CPNE4: variants seen among roughly 807,000 people sequenced by gnomAD.
CPNE4 encodes copine 4, also known as copine-4.
A neutral mutation model predicts 67.9 loss-of-function variants in CPNE4; 25 were observed. That is an observed-to-expected ratio of 0.37 (90% CI 0.27 to 0.51). The LOEUF is 0.51. CPNE4 is among the 20% of genes least tolerant of loss of function. The probability of loss-of-function intolerance (pLI) is 0.93; values close to 1 mark genes in which losing one functional copy is unlikely to be tolerated. For missense variants in CPNE4, 464 were observed against 690.8 expected, an observed-to-expected ratio of 0.67 and a Z score of 3.68; for synonymous variants, 242 against 244.9, an observed-to-expected ratio of 0.99 and a Z score of 0.11.
chr3:131,682,230 A>G (rs2080776966), intron 6 of CPNE4, among the ~76,000 whole-genome samples: 1 of 152,102 alleles, frequency 6.6e-6, no homozygotes, highest in South Asian at 2.1e-4. Context: ...AGATTTATAT[A>G]TTTACTGTAG....
chr3:131,816,067 G>C (rs1464858956), intron 2 of CPNE4, among the ~76,000 whole-genome samples: 4 of 152,192 alleles, frequency 2.6e-5, no homozygotes, highest in Non-Finnish European at 4.4e-5. Flanking sequence ...CGTGAGGTTA[G>C]AGGCAAGATG....
chr3:131,650,959 C>T (rs1340661991), intron 7 of CPNE4, among the ~76,000 whole-genome samples: 1 of 151,966 alleles, frequency 6.6e-6, no homozygotes, highest in African/African-American at 2.4e-5. Context: ...GCTAGTTATC[C>T]ATGATATCCT....
chr3:131,758,456 C>A (rs4619823), intron 2 of CPNE4, among the ~76,000 whole-genome samples: 14,983 of 152,184 alleles, frequency 0.098, 887 homozygotes, highest in Admixed American at 0.14. Flanking sequence ...TTACTCAATA[C>A]CTGTACCTCC....
At chr3:131,767,565 T>C (rs965933783) in intron 2 of CPNE4, among the ~76,000 whole-genome samples, 1 of 151,954 alleles carries the variant, frequency 6.6e-6, no homozygotes, top group Admixed American at 6.6e-5. Context: ...CTTTTCCCTT[T>C]GGGCAAGGAG....
intron 2 of CPNE4, among the ~76,000 whole-genome samples, chr3:131,895,432 T>A (rs2088288574): frequency 6.6e-6 from 1 of 152,100 alleles, no homozygotes; most frequent in Non-Finnish European, 1.5e-5. Flanking sequence ...TGGATAATTA[T>A]ATAAAACATG....
intron 2 of CPNE4, among the ~76,000 whole-genome samples, chr3:131,812,038 G>T (rs886785790): frequency 6.6e-6 from 1 of 152,042 alleles, no homozygotes; most frequent in Non-Finnish European, 1.5e-5. Flanking sequence ...GAAATCAATA[G>T]TCCTCACTAG....
At chr3:131,999,705 G>A (rs533652061) in intron 1 of CPNE4, among the ~76,000 whole-genome samples, 5 of 152,122 alleles carry the variant, frequency 3.3e-5, no homozygotes, top group African/African-American at 1.2e-4. Context: ...TAAAATTTTA[G>A]TGGTAGAACT....
chr3:131,799,536 G>T (rs1331261890), intron 2 of CPNE4, among the ~76,000 whole-genome samples: 2 of 152,036 alleles, frequency 1.3e-5, no homozygotes, highest in African/African-American at 4.8e-5. Context: ...AAATTTTGTT[G>T]TTACCCCCAG....
chr3:131,871,058 A>G (rs2087179060), intron 2 of CPNE4, among the ~76,000 whole-genome samples: 1 of 152,172 alleles, frequency 6.6e-6, no homozygotes, highest in East Asian at 1.9e-4. Context: ...AAGTTCCAAG[A>G]GTTCAGAGTA....
intron 2 of CPNE4, among the ~76,000 whole-genome samples, chr3:131,781,865 C>G (rs530931671): frequency 6.6e-6 from 1 of 152,084 alleles, no homozygotes; most frequent in East Asian, 1.9e-4. Context: ...ACACAAAAAC[C>G]TCACCACCCA....
At chr3:131,792,925 G>GTATA (rs71622076) in intron 2 of CPNE4, among the ~76,000 whole-genome samples, 230 of 135,204 alleles carry the variant, frequency 1.7e-3, no homozygotes, top group African/African-American at 4.7e-3. Context: ...GTGTGTGTGT[G>GTATA]TATCTCCAAC....
At chr3:131,919,383 G>A (rs2070678873) in intron 1 of CPNE4, among the ~76,000 whole-genome samples, 1 of 152,108 alleles carries the variant, frequency 6.6e-6, no homozygotes, top group South Asian at 2.1e-4. Flanking sequence ...TGAAAATGGA[G>A]GACAGTTTGA....
chr3:132,029,823 C>T (rs902431538), intron 1 of CPNE4, among the ~76,000 whole-genome samples: 2 of 152,174 alleles, frequency 1.3e-5, no homozygotes, highest in African/African-American at 2.4e-5. Flanking sequence ...TTTTGAATGA[C>T]GCTTTAATTT....
At position 131,948,292 on chromosome 3, in the gene CPNE4, G is replaced by T. The variant is rs569721440; in HGVS notation, c.-1-42848C>A. On this transcript the variant is annotated intron_variant, in intron 1 of 15. Coordinates refer to ENST00000429747, the MANE Select transcript of CPNE4 (RefSeq NM_130808.3). ...TTGTTCTTGTGATAGTGAGTTCTCA[G>T]GAGATCTGATGGTTTTATAAGGGTC... Among the ~76,000 whole-genome samples the T allele has an allele frequency of 2.0e-5, 3 of 152,234 alleles. No individual in the cohort carries two copies. The East Asian group carries it at 5.8e-4, about 29-fold the overall frequency.
At chr3:131,908,787 G>A (rs1457989986) in intron 1 of CPNE4, among the ~76,000 whole-genome samples, 1 of 152,116 alleles carries the variant, frequency 6.6e-6, no homozygotes, top group African/African-American at 2.4e-5. Context: ...CATAATTCCC[G>A]ATTCAAATCC....
intron 2 of CPNE4, among the ~76,000 whole-genome samples, chr3:131,747,248 T>C (rs919906232): frequency 6.6e-5 from 10 of 152,206 alleles, no homozygotes; most frequent in South Asian, 4.1e-4. Flanking sequence ...GTTCTGTTGA[T>C]TGATTATTTT....
Position 131,542,264 on chromosome 3 carries a change from C to T in CPNE4, c.1539+293G>A, listed in dbSNP as rs528807828. 8.0e-4 allele frequency among the ~76,000 whole-genome samples: 122 copies of T among 152,200 alleles called. 1 individual carries two copies. The highest frequency in any genetic ancestry group is 2.8e-3 in the African/African-American group (117 of 41,548). On this transcript the variant is annotated intron_variant, in intron 15 of 15. Transcript: ENST00000429747. The stretch of plus-strand genomic sequence containing the variant: ...ATCCTAAATTATATGAATTATAGGG[C>T]AAGCATCAGTGAAATTTTGCCTACA...
At position 131,587,503 on chromosome 3, in the gene CPNE4, C is replaced by T; in HGVS notation, c.761G>A (p.Gly254Glu). 3.1e-6 allele frequency: 5 copies of T among 1,613,734 alleles called. No individual in the cohort carries two copies. The highest frequency in any genetic ancestry group is 4.2e-6 in the Non-Finnish European group (5 of 1,179,692). Residue 254 changes from glycine (G) to glutamate (E), a missense_variant, in exon 8 of 16, where the codon GGA becomes GAA. By Grantham distance (98) the Gly-to-Glu change is moderately conservative (BLOSUM62 -2). Transcript: ENST00000429747. ...EFTSTFKEMR[G>E]AMEGKQVQWE... Reference sequence around the variant, plus strand: ...ATGTACCTGTTTCCCTTCCATTGCTCCTCTCATCTCCTTGAATGTCGAGGT... The same window carrying T: ...ATGTACCTGTTTCCCTTCCATTGCTTCTCTCATCTCCTTGAATGTCGAGGT...
chr3:132,039,302 T>C (rs1310051517), upstream of CPNE4, among the ~76,000 whole-genome samples: 1 of 152,204 alleles, frequency 6.6e-6, no homozygotes, highest in Non-Finnish European at 1.5e-5. Context: ...AAGGTTACAG[T>C]AAGTCAGCCA....
Sources: allele counts gnomAD v4.1 joint callset (sites outside exome capture counted in the v4.1 genomes callset), GRCh38; gene constraint gnomAD v4.1.1; transcripts MANE v1.5; gene names NCBI Gene and HGNC (gene_info 2026-07-23, HGNC 2026-07-21).